The following LRP1B variants were observed in gnomAD, a reference collection of about 807,000 sequenced individuals.
The protein encoded by LRP1B is low-density lipoprotein receptor-related protein 1B.
A neutral mutation model predicts 556.6 loss-of-function variants in LRP1B; 217 were observed. The observed-to-expected ratio is 0.39, with a 90% confidence interval of 0.35 to 0.44. The LOEUF is 0.44. LRP1B is among the 20% of genes least tolerant of loss of function. The pLI, the probability that LRP1B is intolerant of heterozygous loss-of-function variation, is 1.00. For missense variants in LRP1B, 5,053 were observed against 5,620.8 expected (o/e 0.90, Z 3.23); for synonymous variants, 2,047 against 1,865.8 (o/e 1.10, Z -2.50).
chr2:140,484,136 T>G (rs2105360624), intron 59 of LRP1B, among the ~76,000 whole-genome samples: 1 of 152,190 alleles, frequency 6.6e-6, no homozygotes, highest in Middle Eastern at 3.4e-3. Flanking sequence ...GTTGCTATGG[T>G]AAATAAAATA....
intron 51 of LRP1B, among the ~76,000 whole-genome samples, chr2:140,510,572 C>A (rs114083417): frequency 6.6e-6 from 1 of 152,138 alleles, no homozygotes; most frequent in Admixed American, 6.5e-5. Flanking sequence ...ACAAGTTGCA[C>A]GCAATTTTGC....
At chr2:140,655,129 A>C (rs1574199230) in intron 41 of LRP1B, among the ~76,000 whole-genome samples, 1 of 152,056 alleles carries the variant, frequency 6.6e-6, no homozygotes, top group African/African-American at 2.4e-5. Flanking sequence ...AGACCATCGA[A>C]GTATGCTCAA....
chr2:141,209,994 T>C (rs1438515922), intron 6 of LRP1B, among the ~76,000 whole-genome samples: 1 of 151,430 alleles, frequency 6.6e-6, no homozygotes, highest in Non-Finnish European at 1.5e-5. Context: ...ATCAACTCAC[T>C]CCCAAATACT....
At chr2:141,857,364 A>G (rs1442879850) in intron 1 of LRP1B, among the ~76,000 whole-genome samples, 3 of 151,768 alleles carry the variant, frequency 2.0e-5, no homozygotes, top group Admixed American at 6.6e-5. Flanking sequence ...GTTTTGAGAC[A>G]GGGTCTTGCT....
intron 3 of LRP1B, among the ~76,000 whole-genome samples, chr2:141,396,423 C>T (rs181598722): frequency 6.6e-6 from 1 of 152,050 alleles, no homozygotes; most frequent in Non-Finnish European, 1.5e-5. Flanking sequence ...ATGGGACTAC[C>T]AAATGATGAG....
intron 14 of LRP1B, among the ~76,000 whole-genome samples, chr2:141,005,882 C>T (rs1283446485): frequency 6.6e-6 from 1 of 151,886 alleles, no homozygotes; most frequent in East Asian, 2.0e-4. Flanking sequence ...ATTCTTTTCT[C>T]TTGTGCAGTA....
At chr2:141,347,054 T>C (rs1452328846) in intron 3 of LRP1B, among the ~76,000 whole-genome samples, 1 of 152,140 alleles carries the variant, frequency 6.6e-6, no homozygotes, top group African/African-American at 2.4e-5. Flanking sequence ...AAATTATTAA[T>C]ATAAAAAGAA....
chr2:141,160,957 C>T (rs770249023), intron 7 of LRP1B, among the ~76,000 whole-genome samples: 2 of 151,864 alleles, frequency 1.3e-5, no homozygotes, highest in Admixed American at 6.6e-5. Context: ...AAAATTTCCT[C>T]GTTTTAATAA....
chr2:140,301,538 AAT>A (rs1683821337), intron 83 of LRP1B, among the ~76,000 whole-genome samples: 1 of 152,106 alleles, frequency 6.6e-6, no homozygotes, highest in Non-Finnish European at 1.5e-5. Flanking sequence ...GACAGAGTAA[AAT>A]ATTCAATCAT....
At chr2:141,420,084 T>G (rs1680081702) in intron 3 of LRP1B, among the ~76,000 whole-genome samples, 1 of 152,222 alleles carries the variant, frequency 6.6e-6, no homozygotes, top group African/African-American at 2.4e-5. Context: ...TGTCTGGATG[T>G]TCTATTCAAT....
intron 2 of LRP1B, among the ~76,000 whole-genome samples, chr2:141,639,614 T>A (rs978412643): frequency 1.3e-5 from 2 of 151,498 alleles, no homozygotes; most frequent in African/African-American, 4.8e-5. Context: ...TTTTCCTTTT[T>A]AAATATAATA....
intron 31 of LRP1B, among the ~76,000 whole-genome samples, chr2:140,814,732 G>A (rs1691049002): frequency 6.6e-6 from 1 of 152,158 alleles, no homozygotes; most frequent in Non-Finnish European, 1.5e-5. Context: ...CTCATTTGGT[G>A]GTTGATATGG....
chr2:140,727,867 C>T (rs1426005764), intron 35 of LRP1B, among the ~76,000 whole-genome samples: 1 of 152,108 alleles, frequency 6.6e-6, no homozygotes, highest in African/African-American at 2.4e-5. Flanking sequence ...TAATAAAGTG[C>T]TAACAAATTA....
chr2:141,494,489 A>G (rs569086953), intron 2 of LRP1B, among the ~76,000 whole-genome samples: 1 of 152,102 alleles, frequency 6.6e-6, no homozygotes, highest in Admixed American at 6.6e-5. Context: ...AGGGCCTTTG[A>G]GTGAGTTCAT....
chr2:141,926,597 G>A (rs1408255297), intron 1 of LRP1B, among the ~76,000 whole-genome samples: 1 of 152,070 alleles, frequency 6.6e-6, no homozygotes, highest in Middle Eastern at 3.2e-3. Context: ...TAATCTTTCA[G>A]CAAGTGTCTT....
intron 66 of LRP1B, among the ~76,000 whole-genome samples, chr2:140,421,750 C>G (rs1014219211): frequency 6.6e-6 from 1 of 152,164 alleles, no homozygotes; most frequent in Non-Finnish European, 1.5e-5. Flanking sequence ...AAGGCCAAAA[C>G]TATTACACCC....
intron 80 of LRP1B, among the ~76,000 whole-genome samples, chr2:140,325,540 G>T (rs964865995): frequency 1.3e-5 from 2 of 152,084 alleles, no homozygotes; most frequent in Non-Finnish European, 1.5e-5. Context: ...GGGCAGCAAT[G>T]GCCATGTTTG....
intron 1 of LRP1B, among the ~76,000 whole-genome samples, chr2:141,853,338 G>T (rs1219578233): frequency 6.6e-6 from 1 of 151,284 alleles, no homozygotes; most frequent in African/African-American, 2.4e-5. Flanking sequence ...GAAGAATCAC[G>T]CAATAGAAAA....
intron 11 of LRP1B, among the ~76,000 whole-genome samples, chr2:141,030,851 T>C (rs1010816066): frequency 2.0e-5 from 3 of 151,944 alleles, no homozygotes; most frequent in African/African-American, 4.8e-5. Context: ...AGAGAATTGA[T>C]AGGTGTTTAA....
Sources: allele counts gnomAD v4.1 joint callset (sites outside exome capture counted in the v4.1 genomes callset), GRCh38; gene constraint gnomAD v4.1.1; transcripts MANE v1.5; gene names NCBI Gene and HGNC (gene_info 2026-07-23, HGNC 2026-07-21).